Variants in EPB41L4B observed in about 807,000 individuals in gnomAD.
EPB41L4B encodes band 4.1-like protein 4B.
Under a neutral mutation model 112.5 loss-of-function variants are expected in EPB41L4B, and 30 were observed. The ratio of observed to expected loss-of-function variants is 0.27; its 90% CI spans 0.20 to 0.36. The LOEUF is 0.36. EPB41L4B is among the 10% of genes least tolerant of loss of function. The pLI, the probability that EPB41L4B is intolerant of heterozygous loss-of-function variation, is 1.00. For synonymous variants in EPB41L4B, 408 were observed against 439.7 expected, an observed-to-expected ratio of 0.93 and a Z score of 0.90; for missense variants, 1,024 against 1,133.3, an observed-to-expected ratio of 0.90 and a Z score of 1.38.
intron 1 of EPB41L4B, among the ~76,000 whole-genome samples, chr9:109,312,967 G>A (rs1231838716): frequency 1.3e-5 from 2 of 152,096 alleles, no homozygotes; most frequent in Non-Finnish European, 2.9e-5. Context: ...CTGCCCGGGT[G>A]TGGTGGCTCA....
At chr9:109,272,547 G>C (rs1434911878) in intron 2 of EPB41L4B, among the ~76,000 whole-genome samples, 2 of 152,128 alleles carry the variant, frequency 1.3e-5, no homozygotes, top group Non-Finnish European at 2.9e-5. Context: ...GAGGTGAGGA[G>C]TTCAAGGCCA....
At chr9:109,190,295 C>A (rs1832416326) in intron 22 of EPB41L4B, among the ~76,000 whole-genome samples, 1 of 152,140 alleles carries the variant, frequency 6.6e-6, no homozygotes, top group Admixed American at 6.5e-5. Context: ...AAGTATTCAC[C>A]AAGGAGGGGT....
intron 15 of EPB41L4B, among the ~76,000 whole-genome samples, chr9:109,223,752 G>T (rs1833670179): frequency 6.6e-6 from 1 of 152,036 alleles, no homozygotes; most frequent in Non-Finnish European, 1.5e-5. Flanking sequence ...GGCACGGTGG[G>T]TCACACCTGT....
chr9:109,268,180 T>C (rs1008311132), intron 3 of EPB41L4B, among the ~76,000 whole-genome samples: 4 of 152,224 alleles, frequency 2.6e-5, no homozygotes, highest in African/African-American at 7.2e-5. Flanking sequence ...GAGAGCACAG[T>C]TGGTTTTTCA....
chr9:109,254,532 A>G (rs1197930434), intron 11 of EPB41L4B, among the ~76,000 whole-genome samples: 1 of 152,238 alleles, frequency 6.6e-6, no homozygotes, highest in Non-Finnish European at 1.5e-5. Flanking sequence ...GTGTGGGTAG[A>G]GGTTATGAAA....
intron 1 of EPB41L4B, among the ~76,000 whole-genome samples, chr9:109,286,599 C>T (rs1310642582): frequency 6.6e-6 from 1 of 152,184 alleles, no homozygotes; most frequent in African/African-American, 2.4e-5. Flanking sequence ...ACGAATTCAT[C>T]CACTCATTTA....
chr9:109,185,632 G>T (rs780340131), intron 22 of EPB41L4B, 27 bp from the exon 23 acceptor site: 1 of 1,564,972 alleles, frequency 6.4e-7, no homozygotes, highest in Non-Finnish European at 8.7e-7. Context: ...GAGAGAAGGG[G>T]AGGAGGAGGT....
intron 15 of EPB41L4B, among the ~76,000 whole-genome samples, chr9:109,232,343 T>C (rs1037427361): frequency 3.9e-5 from 6 of 152,116 alleles, no homozygotes; most frequent in Admixed American, 1.3e-4. Context: ...ATTTCTGTGT[T>C]CCTGTGCCTT....
At chr9:109,278,632 C>T (rs931518092) in intron 2 of EPB41L4B, among the ~76,000 whole-genome samples, 69 of 152,206 alleles carry the variant, frequency 4.5e-4, no homozygotes, top group Non-Finnish European at 7.5e-4. Flanking sequence ...ATCAGGGAAC[C>T]CAGACTTTAA....
intron 15 of EPB41L4B, among the ~76,000 whole-genome samples, chr9:109,221,974 T>G (rs2118860793): frequency 6.6e-6 from 1 of 152,072 alleles, no homozygotes. Context: ...GAAAGAGTGC[T>G]GTGATTGATT....
intron 15 of EPB41L4B, among the ~76,000 whole-genome samples, chr9:109,220,783 GT>G (rs1833547000): frequency 1.3e-5 from 2 of 150,416 alleles, no homozygotes; most frequent in Non-Finnish European, 3.0e-5. Context: ...GTGAGCATAT[GT>G]GTGTGTGCGT....
At chr9:109,230,576 T>C (rs1833920491) in intron 15 of EPB41L4B, among the ~76,000 whole-genome samples, 1 of 152,228 alleles carries the variant, frequency 6.6e-6, no homozygotes, top group Non-Finnish European at 1.5e-5. Context: ...CTGTCGCTTA[T>C]TTCAATTTTA....
intron 16 of EPB41L4B, 97 bp downstream of exon 16, chr9:109,216,825 C>A (rs2118835187): frequency 8.2e-7 from 1 of 1,217,298 alleles, no homozygotes; most frequent in East Asian, 2.3e-5. Flanking sequence ...CCATTGTGTG[C>A]TGCACCGCAA....
In EPB41L4B at chr9:109,216,946, T is replaced by G. The variant is rs376159236; in HGVS notation, c.1609A>C (p.Asn537His). Residue 537 changes from asparagine (N) to histidine (H), a missense_variant, in exon 16 of 26, where the codon AAC becomes CAC. Transcript: ENST00000374566. The part of the protein sequence containing the change: ...ENKEGPLRSP[N>H]SSSKSLTKLS... ...CTTGTAAGGGACTTGCTGCTGGAGT[T>G]TGGGGACCTCAGAGGCCCCTCTTTG... 2 of 1,614,156 alleles carry G rather than the reference T, an allele frequency of 1.2e-6. No homozygotes were observed. The highest frequency in any genetic ancestry group is 1.7e-6 in the Non-Finnish European group (2 of 1,179,986).
intron 15 of EPB41L4B, among the ~76,000 whole-genome samples, chr9:109,237,403 G>C (rs1490534881): frequency 6.6e-6 from 1 of 152,166 alleles, no homozygotes; most frequent in African/African-American, 2.4e-5. Context: ...TGATAAACCA[G>C]TACATACCCG....
chr9:109,194,900 C>G (rs1832589760), intron 20 of EPB41L4B, among the ~76,000 whole-genome samples: 1 of 152,206 alleles, frequency 6.6e-6, no homozygotes, highest in Non-Finnish European at 1.5e-5. Flanking sequence ...CTATGTTCCT[C>G]TGTGTCTGGC....
In EPB41L4B at chr9:109,174,912, G is replaced by GT. The variant is rs35440007; in HGVS notation, c.2634-290dup. Among the ~76,000 whole-genome samples the GT allele has an allele frequency of 9.0e-3, 672 of 74,322 alleles. 15 individuals are homozygous for GT. Among genetic ancestry groups the GT allele is most frequent in the African/African-American group, 0.016 (295 of 17,972 alleles). The allele number at this position is 74,322 out of a possible 152,430, so 48.8% of individuals were successfully genotyped here. A position where few individuals can be genotyped will look rare whatever the true frequency, so the allele number is the denominator to read the frequency against. ...GTGCATGGCAGCCACTCAGTAAAGTGTTTTTTTTTTTTTTTTTTTTTTGAG... is the reference window on the plus strand; with the variant it reads ...GTGCATGGCAGCCACTCAGTAAAGTGTTTTTTTTTTTTTTTTTTTTTTTGAG... On this transcript the variant is annotated intron_variant, in intron 25 of 25. Coordinates refer to ENST00000374566, the MANE Select transcript of EPB41L4B (RefSeq NM_019114.5).
chr9:109,223,880 G>A (rs1487574921), intron 15 of EPB41L4B, among the ~76,000 whole-genome samples: 1 of 152,048 alleles, frequency 6.6e-6, no homozygotes, highest in African/African-American at 2.4e-5. Context: ...TTAGCCAGGT[G>A]TGGTGGTGGG....
At chr9:109,216,114 A>G (rs1040520368) in intron 16 of EPB41L4B, among the ~76,000 whole-genome samples, 8 of 152,210 alleles carry the variant, frequency 5.3e-5, no homozygotes, top group Admixed American at 5.2e-4. Context: ...TTCTATGATG[A>G]AGAAAGTAGA....
Sources: allele counts gnomAD v4.1 joint callset (sites outside exome capture counted in the v4.1 genomes callset), GRCh38; gene constraint gnomAD v4.1.1; transcripts MANE v1.5; gene names NCBI Gene and HGNC (gene_info 2026-07-23, HGNC 2026-07-21).